The following KCNN4 variants were observed in gnomAD, a reference collection of about 807,000 sequenced individuals.
The protein encoded by KCNN4 is potassium calcium-activated channel subfamily N member 4.
In KCNN4, 31 loss-of-function variants were observed where a neutral mutation model predicts 45.2. The observed-to-expected ratio is 0.69, with a 90% CI of 0.52 to 0.92. The LOEUF (loss-of-function observed/expected upper bound fraction) is 0.92, where lower values mean the gene tolerates loss of function less well. Among genes scored for constraint, KCNN4 ranks in the 40% least tolerant of loss-of-function variants. The pLI, the probability that KCNN4 is intolerant of heterozygous loss-of-function variation, is 0.00. For synonymous variants in KCNN4, 231 were observed against 254.6 expected (o/e 0.91, Z 0.88); for missense variants, 463 against 574.0 (o/e 0.81, Z 1.98).
Position 43,769,916 on chromosome 19 carries a change from A to G in KCNN4, c.820-87T>C. ...CCAACAGCCACAGACGGTAGGCACG[A>G]CCATCCCCAGTTAGCAGACAAGCAA... On this transcript the variant is annotated intron_variant, in intron 4 of 8. Coordinates refer to ENST00000648319, the MANE Select transcript of KCNN4 (RefSeq NM_002250.3). This position sits in a 1 kb window ranked among gnomAD's most constrained non-coding sequence, Gnocchi z 4.4. The G allele has an allele frequency of 1.2e-6, 1 of 835,494 alleles. No individual in the cohort carries two copies. The highest frequency in any genetic ancestry group is 1.5e-5 in the South Asian group (1 of 66,392). The allele number at this position is 835,494 out of a possible 1,614,324, so 51.8% of individuals were successfully genotyped here. A position where few individuals can be genotyped will look rare whatever the true frequency, so the allele number is the denominator to read the frequency against.
intron 4 of KCNN4, among the ~76,000 whole-genome samples, chr19:43,770,530 A>G (rs8112861): frequency 0.21 from 32,480 of 152,134 alleles, 3,560 homozygotes; most frequent in East Asian, 0.27. Flanking sequence ...CCTAGGAAGC[A>G]TCCCCAACCC....
chr19:43,769,905 C>A lies in KCNN4; in HGVS notation c.820-76G>T. The A allele has an allele frequency of 1.0e-6, 1 of 956,440 alleles. No individual in the cohort carries two copies. The highest frequency in any genetic ancestry group is 2.4e-5 in the East Asian group (1 of 41,692). 59.2% of individuals were successfully genotyped at this position (956,440 alleles called of 1,614,324 possible). ...CTTGAACCCGCCCAACAGCCACAGA[C>A]GGTAGGCACGACCATCCCCAGTTAG... On this transcript the variant is annotated intron_variant, in intron 4 of 8. Coordinates refer to ENST00000648319, the MANE Select transcript of KCNN4 (RefSeq NM_002250.3). The surrounding 1 kb of genome is among the most constrained non-coding windows in gnomAD (Gnocchi z 4.4).
At chr19:43,770,839 C>T (rs1281561992) in intron 4 of KCNN4, among the ~76,000 whole-genome samples, 2 of 152,208 alleles carry the variant, frequency 1.3e-5, no homozygotes, top group Non-Finnish European at 2.9e-5. Flanking sequence ...GCACATCACC[C>T]TATCTCTCTA....
chr19:43,769,560 T>G lies in KCNN4; in HGVS notation c.931A>C (p.Met311Leu). 1 of 1,613,340 alleles carries G rather than the reference T, an allele frequency of 6.2e-7. No individual in the cohort carries two copies. Among genetic ancestry groups the G allele is most frequent in the South Asian group, 1.1e-5 (1 of 91,052 alleles). The change falls in exon 6 of 9, where the codon ATG (methionine) becomes CTG (leucine). Residue 311 changes from methionine (M) to leucine (L), a missense_variant and splice_region_variant. Met to Leu is a conservative substitution (Grantham distance 15, BLOSUM62 2). Coordinates refer to ENST00000648319, the MANE Select transcript of KCNN4 (RefSeq NM_002250.3). This position sits in a 1 kb window ranked among gnomAD's most constrained non-coding sequence, Gnocchi z 4.4. Reference sequence around the variant, plus strand: ...AGCACTCGGGCAGCGGACTCCTTCATCTGGGGGTGGGTGGCACAGTGTCCG... The same window carrying G: ...AGCACTCGGGCAGCGGACTCCTTCAGCTGGGGGTGGGTGGCACAGTGTCCG... ...FMMDIQYTKE[M>L]KESAARVLQE...
At chr19:43,771,709 A>G (rs113292850) in intron 4 of KCNN4, among the ~76,000 whole-genome samples, 1 of 152,148 alleles carries the variant, frequency 6.6e-6, no homozygotes, top group African/African-American at 2.4e-5. Flanking sequence ...TTTAAGAGAC[A>G]GGGTCTCACT....
Position 43,767,420 on chromosome 19 carries a change from G to A in KCNN4, c.*3+120C>T, listed in dbSNP as rs1373473675. ...GTCCTTTCCTCCAGACAGTGCCAGA[G>A]CTGATGAGAAAAGGCGGCCTTGTCT... On this transcript the variant is annotated intron_variant, in intron 8 of 8. Coordinates refer to ENST00000648319, the MANE Select transcript of KCNN4 (RefSeq NM_002250.3). 19 of 1,258,194 alleles carry A rather than the reference G, an allele frequency of 1.5e-5. No homozygotes were observed. In the Admixed American group the frequency reaches 4.3e-4, roughly 29 times the overall value. The allele number at this position is 1,258,194 out of a possible 1,614,324, so 77.9% of individuals were successfully genotyped here.
intron 7 of KCNN4, among the ~76,000 whole-genome samples, chr19:43,768,663 G>A (rs145316905): frequency 1.3e-5 from 2 of 152,122 alleles, no homozygotes; most frequent in African/African-American, 4.8e-5. Flanking sequence ...TAGTTGGAAG[G>A]AATTTTATAT....
chr19:43,768,169 G>C (rs1231904426), intron 7 of KCNN4, among the ~76,000 whole-genome samples: 1 of 152,172 alleles, frequency 6.6e-6, no homozygotes, highest in Non-Finnish European at 1.5e-5. Flanking sequence ...CTGTGTTTTT[G>C]GCTTGATAAC....
At position 43,769,567 on chromosome 19, in the gene KCNN4, G is replaced by A. The variant is rs1969583039; in HGVS notation, c.931-7C>T. On this transcript the variant is annotated splice_polypyrimidine_tract_variant and splice_region_variant and intron_variant, in intron 5 of 8. Transcript: ENST00000648319. This position sits in a 1 kb window ranked among gnomAD's most constrained non-coding sequence, Gnocchi z 4.4. ...GGGCAGCGGACTCCTTCATCTGGGG[G>A]TGGGTGGCACAGTGTCCGTGGAGAT... is the stretch of plus-strand genomic sequence containing the variant. The A allele has an allele frequency of 3.1e-6, 5 of 1,611,720 alleles. No homozygotes were observed. Among genetic ancestry groups the A allele is most frequent in the African/African-American group, 2.7e-5 (2 of 74,966 alleles).
At position 43,774,362 on chromosome 19, in the gene KCNN4, G is replaced by C; in HGVS notation, c.513C>G (p.Ser171Arg). The C allele has an allele frequency of 1.2e-6, 2 of 1,607,902 alleles. No individual in the cohort carries two copies. Among genetic ancestry groups the C allele is most frequent in the Non-Finnish European group, 1.7e-6 (2 of 1,177,268 alleles). ...YLVPRAVLLRSGVLLNASYRS... is the reference protein window; with the variant it reads ...YLVPRAVLLRRGVLLNASYRS... ...GGTAGGAAGCGTTGAGCAGGACGCC[G>C]CTGCGCAGGAGCACGGCGCGGGGCA... Residue 171 changes from serine (S) to arginine (R), a missense_variant, in exon 3 of 9, where the codon AGC (serine) becomes AGG (arginine). Physicochemically the swap from Ser to Arg is moderately radical, Grantham distance 110. Transcript: ENST00000648319. The surrounding 1 kb of genome is among the most constrained non-coding windows in gnomAD (Gnocchi z 5.6).
Position 43,780,900 on chromosome 19 carries a change from A to G in KCNN4, c.-39T>C, listed in dbSNP as rs970060351. ...TTGGGGCTCAGCCAGCTTCCTGCCC[A>G]GGGTCCCCCACCTCGCAGCACGCAC... On this transcript the variant is annotated 5_prime_UTR_variant, in exon 1 of 9. Coordinates refer to ENST00000648319, the MANE Select transcript of KCNN4 (RefSeq NM_002250.3). 2 of 1,606,834 alleles carry G rather than the reference A, an allele frequency of 1.2e-6. No homozygotes were observed. Among genetic ancestry groups the G allele is most frequent in the East Asian group, 2.2e-5 (1 of 44,762 alleles).
At chr19:43,773,841 G>A (rs1297515069) in intron 3 of KCNN4, among the ~76,000 whole-genome samples, 1 of 152,178 alleles carries the variant, frequency 6.6e-6, no homozygotes, top group African/African-American at 2.4e-5. Context: ...CAAGGCAGAG[G>A]CAACCCTTTA....
chr19:43,777,015 G>A (rs965772065), intron 1 of KCNN4, among the ~76,000 whole-genome samples: 1 of 152,134 alleles, frequency 6.6e-6, no homozygotes, highest in African/African-American at 2.4e-5. Flanking sequence ...CCAGGAGGTG[G>A]AAGTTGCAGT....
At chr19:43,767,798 A>T in intron 7 of KCNN4, 91 bp from the exon 8 acceptor site, 1 of 1,460,996 alleles carries the variant, frequency 6.8e-7, no homozygotes, top group Non-Finnish European at 9.5e-7. Flanking sequence ...TATTGACCAC[A>T]TCCTTATGGT....
rs1969562696 is a variant in KCNN4, at chr19:43,769,157, A to T, written c.1050-125T>A. 5 of 1,100,922 alleles carry T rather than the reference A, an allele frequency of 4.5e-6. No individual in the cohort carries two copies. Among genetic ancestry groups the T allele is most frequent in the Non-Finnish European group, 6.8e-6 (5 of 731,062 alleles). 68.2% of individuals were successfully genotyped at this position (1,100,922 alleles called of 1,614,324 possible). A position where few individuals can be genotyped will look rare whatever the true frequency, so the allele number is the denominator to read the frequency against. On this transcript the variant is annotated intron_variant, in intron 6 of 8. Coordinates refer to ENST00000648319, the MANE Select transcript of KCNN4 (RefSeq NM_002250.3). This position sits in a 1 kb window ranked among gnomAD's most constrained non-coding sequence, Gnocchi z 4.4. ...AAACAAAGAAACAAAGTTGTCGAAG[A>T]GCTGAAAGAGTGGGAGGGGATGCAC...
rs1300644245 is a variant in KCNN4 at position 43,774,645 on chromosome 19, G to C, written c.256-26C>G. On this transcript the variant is annotated intron_variant, in intron 2 of 8. Coordinates refer to ENST00000648319, the MANE Select transcript of KCNN4 (RefSeq NM_002250.3). This position sits in a 1 kb window ranked among gnomAD's most constrained non-coding sequence, Gnocchi z 5.6. The stretch of plus-strand genomic sequence containing the variant: ...CTGCCGGTAGGGGGCCAAGAAGGGA[G>C]GGGTCAGGAGCAGGTCAGGCGCAGG... 8 of 1,481,364 alleles carry C rather than the reference G, an allele frequency of 5.4e-6. No individual in the cohort carries two copies. The highest frequency in any genetic ancestry group is 7.1e-6 in the Non-Finnish European group (8 of 1,124,738). The allele number at this position is 1,481,364 out of a possible 1,614,324, so 91.8% of individuals were successfully genotyped here.
intron 1 of KCNN4, among the ~76,000 whole-genome samples, chr19:43,777,090 A>G (rs1027867433): frequency 1.3e-5 from 2 of 152,042 alleles, no homozygotes; most frequent in Admixed American, 1.3e-4. Flanking sequence ...TCTCGAAACA[A>G]GCAAGCAAGC....
rs200719850 is a variant in KCNN4 at position 43,769,522 on chromosome 19, C to G, written c.969G>C (p.Trp323Cys). Residue 323 changes from tryptophan (W) to cysteine (C), a missense_variant, in exon 6 of 9, where the codon TGG (tryptophan) becomes TGC (cysteine). Around this residue, in one of 3 missense-constraint regions of KCNN4, gnomAD observed 129 missense variants for 149.4 expected, o/e 0.86. Transcript: ENST00000648319. This position sits in a 1 kb window ranked among gnomAD's most constrained non-coding sequence, Gnocchi z 4.4. ...TCCTGCGAGTATGTTTGTAGAACATCCAGGCTTCTTGTAGCACTCGGGCAG... is the reference window on the plus strand; with the variant it reads ...TCCTGCGAGTATGTTTGTAGAACATGCAGGCTTCTTGTAGCACTCGGGCAG... ...ESAARVLQEA[W>C]MFYKHTRRKE... The G allele has an allele frequency of 6.2e-7, 1 of 1,614,194 alleles. No homozygotes were observed. Among genetic ancestry groups the G allele is most frequent in the Non-Finnish European group, 8.5e-7 (1 of 1,180,030 alleles).
intron 1 of KCNN4, 54 bp downstream of exon 1, chr19:43,780,649 C>A: frequency 7.0e-7 from 1 of 1,422,376 alleles, no homozygotes; most frequent in Non-Finnish European, 9.8e-7. Context: ...GACCCCCAGC[C>A]CCTCCTCCCT....
Sources: allele counts gnomAD v4.1 joint callset (sites outside exome capture counted in the v4.1 genomes callset), GRCh38; gene constraint gnomAD v4.1.1; regional missense constraint gnomAD v4.1.1; non-coding constraint Gnocchi (gnomAD v3.1); transcripts MANE v1.5; gene names NCBI Gene and HGNC (gene_info 2026-07-23, HGNC 2026-07-21).